Variants in ANO3 observed in about 807,000 individuals in gnomAD.
ANO3 encodes anoctamin 3, also known as anoctamin-3.
Under a neutral mutation model 144.8 loss-of-function variants are expected in ANO3, and 99 were observed. That is an observed-to-expected ratio of 0.68 (90% confidence interval 0.58 to 0.81). The LOEUF (loss-of-function observed/expected upper bound fraction) is 0.81, where lower values mean the gene tolerates loss of function less well. Among genes scored for constraint, ANO3 ranks in the 30% least tolerant of loss-of-function variants. The pLI is 0.00. For synonymous variants in ANO3, 414 were observed against 392.6 expected (o/e 1.05, Z -0.64); for missense variants, 905 against 1,202.2 (o/e 0.75, Z 3.66).
chr11:26,510,151 AAAGAGT>A lies in ANO3; in HGVS notation c.591+1891_591+1896del, dbSNP rs1565070262. On this transcript the variant is annotated intron_variant, in intron 5 of 26. Transcript: ENST00000256737. ...CCATCTCAAAAAAAAAAAAAAAAAA[AAAGAGT>A]AGAAAAGAAAAACTAATCCATTTAT... 3.8e-4 allele frequency among the ~76,000 whole-genome samples: 9 copies of A among 23,516 alleles called. 1 individual carries two copies. Among genetic ancestry groups the A allele is most frequent in the African/African-American group, 5.2e-4 (3 of 5,772 alleles). The allele number at this position is 23,516 out of a possible 152,430, so 15.4% of individuals were successfully genotyped here. A position where few individuals can be genotyped will look rare whatever the true frequency, so the allele number is the denominator to read the frequency against.
intron 14 of ANO3, among the ~76,000 whole-genome samples, chr11:26,591,261 C>T (rs75271184): frequency 6.6e-6 from 1 of 151,956 alleles, no homozygotes; most frequent in Non-Finnish European, 1.5e-5. Flanking sequence ...GGCCAACGAC[C>T]GCTCTTAACT....
intron 3 of ANO3, among the ~76,000 whole-genome samples, chr11:26,444,896 A>G (rs1858649756): frequency 6.6e-6 from 1 of 152,182 alleles, no homozygotes; most frequent in African/African-American, 2.4e-5. Context: ...AAAGCCAGCA[A>G]CCAGCAGGTT....
chr11:26,627,969 T>A (rs542525740), intron 18 of ANO3, among the ~76,000 whole-genome samples: 2 of 152,290 alleles, frequency 1.3e-5, no homozygotes, highest in South Asian at 2.1e-4. Flanking sequence ...TAAAGAATTT[T>A]TTTAAACTTT....
intron 1 of ANO3, among the ~76,000 whole-genome samples, chr11:26,258,491 G>C (rs1853110045): frequency 6.6e-6 from 1 of 152,148 alleles, no homozygotes; most frequent in Admixed American, 6.5e-5. Flanking sequence ...TAAGAATCTT[G>C]AGGTCTAACT....
At chr11:26,648,145 A>G (rs1236161694) in intron 24 of ANO3, among the ~76,000 whole-genome samples, 3 of 152,126 alleles carry the variant, frequency 2.0e-5, no homozygotes, top group African/African-American at 7.2e-5. Flanking sequence ...TCTTAGAATA[A>G]CTTCTTACCA....
chr11:26,226,232 T>C (rs1441502215), intron 1 of ANO3, among the ~76,000 whole-genome samples: 1 of 152,052 alleles, frequency 6.6e-6, no homozygotes, highest in Non-Finnish European at 1.5e-5. Context: ...ACAGATGGTG[T>C]GGCATATTTT....
Position 26,449,725 on chromosome 11 carries a change from C to T in ANO3, c.313+5889C>T, listed in dbSNP as rs563074777. 4.7e-5 allele frequency among the ~76,000 whole-genome samples: 7 copies of T among 149,916 alleles called. No homozygotes were observed. In the South Asian group the frequency reaches 1.3e-3, roughly 27 times the overall value. ...ATATAGAGTATTTAAAGGCTTAAAA[C>T]AAAACTCTTCTTAAGTAGTAGAATT... On this transcript the variant is annotated intron_variant, in intron 3 of 26. Transcript: ENST00000256737.
intron 14 of ANO3, among the ~76,000 whole-genome samples, chr11:26,583,113 C>A (rs1225412872): frequency 1.3e-5 from 2 of 152,132 alleles, no homozygotes; most frequent in African/African-American, 4.8e-5. Context: ...TATTGAGTGA[C>A]CACAAGAGTT....
At chr11:26,233,020 T>A (rs1274628757) in intron 1 of ANO3, among the ~76,000 whole-genome samples, 6 of 149,878 alleles carry the variant, frequency 4.0e-5, no homozygotes, top group Admixed American at 2.0e-4. Context: ...GATCGAGACA[T>A]CCTGGCTAAC....
At chr11:26,330,770 C>T (rs949006797), upstream of ANO3, among the ~76,000 whole-genome samples, 4 of 152,190 alleles carry the variant, frequency 2.6e-5, no homozygotes, top group African/African-American at 9.7e-5. Context: ...CTATATTCCC[C>T]TCATTCTTTT....
intron 17 of ANO3, among the ~76,000 whole-genome samples, chr11:26,615,414 A>ATATAT (rs1352935016): frequency 7.7e-6 from 1 of 130,700 alleles, no homozygotes; most frequent in African/African-American, 3.0e-5. Context: ...ATATATATAT[A>ATATAT]TTTTTTTTTT....
At chr11:26,288,631 G>A (rs1158187831) in intron 1 of ANO3, among the ~76,000 whole-genome samples, 3 of 152,044 alleles carry the variant, frequency 2.0e-5, no homozygotes, top group East Asian at 3.9e-4. Flanking sequence ...CATTTCACTG[G>A]CCATTATGTG....
At chr11:26,510,301 C>G (rs1861614912) in intron 5 of ANO3, among the ~76,000 whole-genome samples, 1 of 152,114 alleles carries the variant, frequency 6.6e-6, no homozygotes, top group Admixed American at 6.5e-5. Context: ...ATTCTGACTT[C>G]AGTTTTCTGT....
chr11:26,441,808 G>A (rs1265255009), intron 1 of ANO3, 110 bp from the exon 2 acceptor site: 9 of 722,944 alleles, frequency 1.2e-5, no homozygotes, highest in Admixed American at 4.9e-5. Flanking sequence ...TATCTAAGTG[G>A]CACTTTTCAA....
intron 1 of ANO3, among the ~76,000 whole-genome samples, chr11:26,365,488 T>C (rs1461539643): frequency 6.6e-6 from 1 of 152,250 alleles, no homozygotes; most frequent in Admixed American, 6.5e-5. Flanking sequence ...GCTCCACCCC[T>C]GCAGCAGGCT....
Position 26,222,730 on chromosome 11 carries a change from G to T in ANO3, c.154+33400G>T, listed in dbSNP as rs1010727198. On this transcript the variant is annotated intron_variant, in intron 1 of 27. Transcript: ENST00000672621. ...TTGAAGCTACCAAGGCTTATGGCTTGCACCCTCCAGAGCTGTGGTATAAGC... is the reference window on the plus strand; with the variant it reads ...TTGAAGCTACCAAGGCTTATGGCTTTCACCCTCCAGAGCTGTGGTATAAGC... Among the ~76,000 whole-genome samples, 107 of 152,328 alleles carry T rather than the reference G, an allele frequency of 7.0e-4. 2 individuals carry two copies. The Middle Eastern group carries it at 0.01, about 15-fold the overall frequency.
Position 26,441,106 on chromosome 11 carries a change from GTTTTTTTTTTTTTTT to G in ANO3, c.47-797_47-783del, listed in dbSNP as rs1022676698. Among the ~76,000 whole-genome samples the G allele has an allele frequency of 6.0e-3, 519 of 86,560 alleles. 11 individuals carry two copies. The highest frequency in any genetic ancestry group is 0.025 in the African/African-American group (513 of 20,432). The allele number at this position is 86,560 out of a possible 152,430, so 56.8% of individuals were successfully genotyped here. Reference sequence around the variant, plus strand: ...TGTCTTGATCCCTGCTTGCTGCCCAGTTTTTTTTTTTTTTTTTTTTTTTTTTTTTGAGACGGAGTC... The same window carrying G: ...TGTCTTGATCCCTGCTTGCTGCCCAGTTTTTTTTTTTTTTGAGACGGAGTC... On this transcript the variant is annotated intron_variant, in intron 1 of 26. Coordinates refer to ENST00000256737, the MANE Select transcript of ANO3 (RefSeq NM_031418.4).
At chr11:26,496,995 T>TATATATATATATATATAC (rs1206312744) in intron 4 of ANO3, among the ~76,000 whole-genome samples, 3 of 126,640 alleles carry the variant, frequency 2.4e-5, no homozygotes, top group African/African-American at 8.3e-5. Context: ...TATATATATA[T>TATATATATATATATATAC]ACACACACAG....
intron 1 of ANO3, among the ~76,000 whole-genome samples, chr11:26,396,269 C>T (rs1857011245): frequency 6.6e-6 from 1 of 151,998 alleles, no homozygotes; most frequent in East Asian, 1.9e-4. Flanking sequence ...GAGTGGTGAT[C>T]ATTAAAAAGT....
Sources: gnomAD v4.1 joint callset for allele counts (sites outside exome capture counted in the v4.1 genomes callset) on GRCh38, gnomAD v4.1.1 for gene constraint, MANE v1.5 for transcripts, NCBI Gene and HGNC (gene_info 2026-07-23, HGNC 2026-07-21) for gene names.